The following TUSC3 variants were observed in gnomAD, a reference collection of about 807,000 sequenced individuals.
TUSC3 encodes dolichyl-diphosphooligosaccharide--protein glycosyltransferase subunit TUSC3.
TUSC3 carries 45 observed loss-of-function variants against 44.8 expected under a neutral mutation model. That is an observed-to-expected ratio of 1.00 (90% CI 0.79 to 1.29). TUSC3 has a LOEUF of 1.29. Among genes scored for constraint, TUSC3 ranks in the 50% most tolerant of loss-of-function variants. The pLI, the probability that TUSC3 is intolerant of heterozygous loss-of-function variation, is 0.00. For synonymous variants in TUSC3, 212 were observed against 152.9 expected, an observed-to-expected ratio of 1.39 and a Z score of -2.85; for missense variants, 519 against 437.9, an observed-to-expected ratio of 1.19 and a Z score of -1.65.
rs1308855888 is a variant in TUSC3 at position 15,450,162 on chromosome 8, TA to T, written n.91+32859del. On this transcript the variant is annotated intron_variant and non_coding_transcript_variant, in intron 1 of 5. Transcript: ENST00000503191. The stretch of plus-strand genomic sequence containing the variant: ...AAAAAAGTGTGAGAGGCTTTACTAC[TA>T]ACATTATTTGTTTCTGGATACATTT... Among the ~76,000 whole-genome samples the T allele has an allele frequency of 2.6e-5, 4 of 152,356 alleles. No individual in the cohort carries two copies. The East Asian group carries it at 7.7e-4, about 29-fold the overall frequency.
At chr8:15,500,069 A>G (rs1419319140) in intron 2 of TUSC3, among the ~76,000 whole-genome samples, 2 of 152,154 alleles carry the variant, frequency 1.3e-5, no homozygotes, top group Non-Finnish European at 2.9e-5. Flanking sequence ...GGCCATCATC[A>G]TAACCATCAT....
In TUSC3 at chr8:15,628,502, G is replaced by A. The variant is rs11988828; in HGVS notation, c.308+5253G>A. Reference sequence around the variant, plus strand: ...TTTTAAAAGAGTTTTGGATTTATAAGAGAAAGAGATTGAAGTTCTTGGAAA... The same window carrying A: ...TTTTAAAAGAGTTTTGGATTTATAAAAGAAAGAGATTGAAGTTCTTGGAAA... On this transcript the variant is annotated intron_variant, in intron 2 of 10. Transcript: ENST00000503731. 9.2e-3 allele frequency among the ~76,000 whole-genome samples: 1,396 copies of A among 152,228 alleles called. 19 individuals carry two copies. Among genetic ancestry groups the A allele is most frequent in the African/African-American group, 0.032 (1,320 of 41,526 alleles).
intron 6 of TUSC3, among the ~76,000 whole-genome samples, chr8:15,712,590 T>C (rs10283220): frequency 0.32 from 49,087 of 151,916 alleles, 8,308 homozygotes; most frequent in Admixed American, 0.42. Flanking sequence ...GACACTAAGA[T>C]TTCCTTCTCT....
rs570334118 is a variant in TUSC3 at position 15,573,040 on chromosome 8, C to T, written c.138+32472C>T. Among the ~76,000 whole-genome samples, 5 of 151,914 alleles carry T rather than the reference C, an allele frequency of 3.3e-5. No individual in the cohort carries two copies. The East Asian group carries it at 9.7e-4, about 29-fold the overall frequency. On this transcript the variant is annotated intron_variant, in intron 1 of 10. Coordinates refer to ENST00000503731, the MANE Select transcript of TUSC3 (RefSeq NM_006765.4). The stretch of plus-strand genomic sequence containing the variant: ...GGGAAAAATGACACCCATAGAGTTG[C>T]TTAATGGAGAGTTGCCATCAACCTT...
chr8:15,585,628 A>C (rs997542326), intron 1 of TUSC3, among the ~76,000 whole-genome samples: 3 of 152,168 alleles, frequency 2.0e-5, no homozygotes. Context: ...CCCTTAGCCT[A>C]GAATCAATCA....
intron 3 of TUSC3, among the ~76,000 whole-genome samples, chr8:15,657,037 C>T (rs1413877921): frequency 6.6e-6 from 1 of 152,158 alleles, no homozygotes; most frequent in Non-Finnish European, 1.5e-5. Flanking sequence ...TGAGCTTTGA[C>T]GTCCCATAGA....
intron 1 of TUSC3, among the ~76,000 whole-genome samples, chr8:15,478,115 C>T (rs951906024): frequency 1.3e-5 from 2 of 151,902 alleles, no homozygotes; most frequent in African/African-American, 2.4e-5. Flanking sequence ...CACCACCATG[C>T]CCAGCTAACT....
At chr8:15,743,911 C>A (rs180756689) in intron 8 of TUSC3, among the ~76,000 whole-genome samples, 4 of 152,068 alleles carry the variant, frequency 2.6e-5, no homozygotes, top group Non-Finnish European at 4.4e-5. Flanking sequence ...TAATTCCACC[C>A]GGCACAGAGA....
chr8:15,706,764 C>G (rs1332409959), intron 6 of TUSC3, among the ~76,000 whole-genome samples: 2 of 151,930 alleles, frequency 1.3e-5, no homozygotes, highest in African/African-American at 2.4e-5. Context: ...AATATGATCA[C>G]GAGCATTTTC....
intron 5 of TUSC3, among the ~76,000 whole-genome samples, chr8:15,672,172 A>G (rs1019019199): frequency 2.6e-5 from 4 of 152,048 alleles, no homozygotes; most frequent in Non-Finnish European, 4.4e-5. Flanking sequence ...AAGGAGCGGT[A>G]GGACATGGAG....
chr8:15,513,571 C>T (rs891594145), intron 2 of TUSC3, among the ~76,000 whole-genome samples: 2 of 152,072 alleles, frequency 1.3e-5, no homozygotes, highest in African/African-American at 2.4e-5. Context: ...GACTCAAGAA[C>T]GTAATTGAGA....
At chr8:15,546,497 A>G (rs1243057807) in intron 1 of TUSC3, among the ~76,000 whole-genome samples, 1 of 151,700 alleles carries the variant, frequency 6.6e-6, no homozygotes, top group Non-Finnish European at 1.5e-5. Flanking sequence ...AATAGATTGA[A>G]TATTAAGGCT....
chr8:15,719,918 A>G (rs560071092), intron 6 of TUSC3, among the ~76,000 whole-genome samples: 1 of 152,126 alleles, frequency 6.6e-6, no homozygotes, highest in South Asian at 2.1e-4. Context: ...AGTGCTATAA[A>G]GGTTTGTGTT....
At chr8:15,690,494 C>T (rs988180473) in intron 6 of TUSC3, among the ~76,000 whole-genome samples, 3 of 152,098 alleles carry the variant, frequency 2.0e-5, no homozygotes, top group Non-Finnish European at 4.4e-5. Context: ...TGCAGAAACT[C>T]TTTAGTTTAA....
In TUSC3 at chr8:15,472,734, A is replaced by G. The variant is rs149606402; in HGVS notation, n.92-10652A>G. 4.0e-3 allele frequency among the ~76,000 whole-genome samples: 613 copies of G among 152,300 alleles called. 2 individuals carry two copies. Among genetic ancestry groups the G allele is most frequent in the African/African-American group, 0.014 (572 of 41,560 alleles). On this transcript the variant is annotated intron_variant and non_coding_transcript_variant, in intron 1 of 5. Transcript: ENST00000503191. ...GTTAATTATAAATGTTTTATTTCAT[A>G]TGGTGCCGATAATTTACATTTTACT...
chr8:15,730,765 A>G, intron 7 of TUSC3, 36 bp downstream of exon 7: 4 of 1,590,094 alleles, frequency 2.5e-6, no homozygotes, highest in Non-Finnish European at 3.4e-6. Flanking sequence ...TGAAAAGGGC[A>G]AACTAAAGCT....
intron 6 of TUSC3, among the ~76,000 whole-genome samples, chr8:15,717,897 A>G (rs868268671): frequency 2.6e-5 from 4 of 152,130 alleles, no homozygotes; most frequent in Non-Finnish European, 5.9e-5. Context: ...TAAACAAAAT[A>G]CTTAAAAGAG....
At chr8:15,849,654 C>G in the TUSC3 span, among the ~76,000 whole-genome samples, 1 of 152,122 alleles carries the variant, frequency 6.6e-6, no homozygotes. Context: ...CTAGCAAATC[C>G]TGTAAGAATG....
At chr8:15,736,955 T>C (rs750542926) in intron 7 of TUSC3, among the ~76,000 whole-genome samples, 19 of 152,108 alleles carry the variant, frequency 1.2e-4, no homozygotes, top group Non-Finnish European at 2.5e-4. Context: ...GAAAATGACA[T>C]GAAATAAATA....
Sources: gnomAD v4.1 joint callset for allele counts (sites outside exome capture counted in the v4.1 genomes callset) on GRCh38, gnomAD v4.1.1 for gene constraint, MANE v1.5 for transcripts, NCBI Gene and HGNC (gene_info 2026-07-23, HGNC 2026-07-21) for gene names.